Variants in ST8SIA5 observed in about 807,000 individuals in gnomAD.
The protein encoded by ST8SIA5 is alpha-2,8-sialyltransferase 8E.
ST8SIA5 carries 24 observed loss-of-function variants against 40.2 expected under a neutral mutation model. That is an observed-to-expected ratio of 0.60 (90% CI 0.43 to 0.84). The LOEUF is 0.84. Among genes scored for constraint, ST8SIA5 ranks in the 40% least tolerant of loss-of-function variants. The pLI, the probability that ST8SIA5 is intolerant of heterozygous loss-of-function variation, is 0.00. For missense variants in ST8SIA5, 465 were observed against 498.5 expected (o/e 0.93, Z 0.64); for synonymous variants, 198 against 201.8 (o/e 0.98, Z 0.16).
intron 2 of ST8SIA5, among the ~76,000 whole-genome samples, chr18:46,699,914 G>A (rs915111221): frequency 3.3e-5 from 5 of 152,290 alleles, no homozygotes; most frequent in Admixed American, 1.3e-4. Flanking sequence ...TGCCCAGCTG[G>A]CCTTTGCTCC....
intron 2 of ST8SIA5, among the ~76,000 whole-genome samples, chr18:46,698,759 C>A (rs533820578): frequency 6.6e-6 from 1 of 152,250 alleles, no homozygotes; most frequent in Non-Finnish European, 1.5e-5. Context: ...AGAAAAGAAG[C>A]CCCAAAACAA....
intron 1 of ST8SIA5, among the ~76,000 whole-genome samples, chr18:46,738,019 C>A (rs927609028): frequency 6.6e-6 from 1 of 152,074 alleles, no homozygotes; most frequent in South Asian, 2.1e-4. Context: ...AATCTGCCCA[C>A]CTCGGCCTCT....
chr18:46,728,850 C>T (rs904186369), intron 1 of ST8SIA5, among the ~76,000 whole-genome samples: 4 of 152,150 alleles, frequency 2.6e-5, no homozygotes, highest in East Asian at 1.9e-4. Flanking sequence ...CCCTGTCCAA[C>T]GGCCTGAACA....
intron 1 of ST8SIA5, among the ~76,000 whole-genome samples, chr18:46,733,333 T>C (rs1214109093): frequency 6.6e-6 from 1 of 152,214 alleles, no homozygotes; most frequent in Non-Finnish European, 1.5e-5. Flanking sequence ...GCATTGGACC[T>C]CACAGTGTAT....
intron 3 of ST8SIA5, chr18:46,691,944 G>T: frequency 1.8e-6 from 1 of 555,674 alleles, no homozygotes; most frequent in Non-Finnish European, 3.3e-6. Flanking sequence ...GCTGCTGCAA[G>T]GACTAAGGGA....
rs2039328460 is a variant in ST8SIA5, at chr18:46,674,540, A to G, written c.*5502T>C. On this transcript the variant is annotated 3_prime_UTR_variant, in exon 7 of 7. Coordinates refer to ENST00000315087, the MANE Select transcript of ST8SIA5 (RefSeq NM_013305.6). ...ACTGCTGGAGTCCCCCAGGAACCAG[A>G]GACCTCATTACTGTAGTAAACATGT... 6.6e-6 allele frequency: 1 copy of G among 152,278 alleles called. No homozygotes were observed. Among genetic ancestry groups the G allele is most frequent in the Non-Finnish European group, 1.5e-5 (1 of 68,062 alleles). The allele number at this position is 152,278 out of a possible 1,614,324, so 9.4% of individuals were successfully genotyped here. A position where few individuals can be genotyped will look rare whatever the true frequency, so the allele number is the denominator to read the frequency against.
intron 1 of ST8SIA5, among the ~76,000 whole-genome samples, chr18:46,710,514 C>G (rs1217738498): frequency 7.0e-6 from 1 of 142,872 alleles, no homozygotes; most frequent in African/African-American, 2.6e-5. Flanking sequence ...TTCCCTTCTC[C>G]TTCCTTCCTT....
intron 1 of ST8SIA5, among the ~76,000 whole-genome samples, chr18:46,728,070 C>G (rs765199432): frequency 6.6e-6 from 1 of 151,932 alleles, no homozygotes; most frequent in Non-Finnish European, 1.5e-5. Flanking sequence ...AGGCATGAGC[C>G]TGTAGTCCCA....
At chr18:46,749,140 A>C (rs2040171701) in intron 1 of ST8SIA5, among the ~76,000 whole-genome samples, 1 of 152,226 alleles carries the variant, frequency 6.6e-6, no homozygotes, top group Non-Finnish European at 1.5e-5. Flanking sequence ...CATTTATATG[A>C]AATGCTCAAA....
At chr18:46,720,614 G>A (rs908161066) in intron 1 of ST8SIA5, among the ~76,000 whole-genome samples, 4 of 152,128 alleles carry the variant, frequency 2.6e-5, no homozygotes, top group Admixed American at 6.5e-5. Flanking sequence ...GGAAACGGAC[G>A]TGAGAGTTAC....
chr18:46,718,541 C>T (rs900352011), intron 1 of ST8SIA5, among the ~76,000 whole-genome samples: 4 of 152,014 alleles, frequency 2.6e-5, no homozygotes, highest in African/African-American at 7.2e-5. Context: ...CTTTTATGAG[C>T]ACTATCTGGC....
chr18:46,681,912 C>T (rs1372446072), intron 6 of ST8SIA5, 60 bp downstream of exon 6: 1 of 1,558,806 alleles, frequency 6.4e-7, no homozygotes, highest in Non-Finnish European at 8.8e-7. Context: ...TGCCCAGTAG[C>T]CGCATGTGAC....
intron 2 of ST8SIA5, among the ~76,000 whole-genome samples, chr18:46,694,734 C>T (rs1205132036): frequency 6.6e-6 from 1 of 152,034 alleles, no homozygotes; most frequent in South Asian, 2.1e-4. Flanking sequence ...GTGCCTGTAC[C>T]CCCCGATTTT....
intron 2 of ST8SIA5, among the ~76,000 whole-genome samples, chr18:46,692,953 C>G (rs1178894134): frequency 6.8e-6 from 1 of 146,772 alleles, no homozygotes; most frequent in Non-Finnish European, 1.5e-5. Flanking sequence ...ATTATTCAAA[C>G]TAGCCAATCC....
intron 1 of ST8SIA5, among the ~76,000 whole-genome samples, chr18:46,706,342 C>T (rs1467441636): frequency 1.3e-5 from 2 of 152,170 alleles, no homozygotes; most frequent in Non-Finnish European, 2.9e-5. Flanking sequence ...TTTTCTTTCT[C>T]ATCTGGCAAA....
In ST8SIA5 at chr18:46,692,819, G is replaced by A. The variant is rs918307980; in HGVS notation, c.225-564C>T. On this transcript the variant is annotated intron_variant, in intron 2 of 6. Coordinates refer to ENST00000315087, the MANE Select transcript of ST8SIA5 (RefSeq NM_013305.6). ...TTCATGTGCAAACCAACCAATCAGA[G>A]CCCACACCCTCAACCACCTCCTCAC... Among the ~76,000 whole-genome samples, 80 of 151,872 alleles carry A rather than the reference G, an allele frequency of 5.3e-4. 3 individuals are homozygous for A. Among genetic ancestry groups the A allele is most frequent in the Non-Finnish European group, 2.9e-5 (2 of 67,974 alleles).
Position 46,673,703 on chromosome 18 carries a change from C to CTGT in ST8SIA5, c.*6338_*6339insACA, listed in dbSNP as rs1322127098. The CTGT allele has an allele frequency of 1.3e-5, 2 of 151,948 alleles. No individual in the cohort carries two copies. The highest frequency in any genetic ancestry group is 2.9e-5 in the Non-Finnish European group (2 of 67,990). 9.4% of individuals were successfully genotyped at this position (151,948 alleles called of 1,614,324 possible). A position where few individuals can be genotyped will look rare whatever the true frequency, so the allele number is the denominator to read the frequency against. On this transcript the variant is annotated 3_prime_UTR_variant, in exon 7 of 7. Coordinates refer to ENST00000315087, the MANE Select transcript of ST8SIA5 (RefSeq NM_013305.6). ...TGTAGATCTATACTGTAGGTCTATC[C>CTGT]AGTCTACCCTTTGAAGATCACACTG...
At chr18:46,680,957 T>G (rs1438555232) in intron 6 of ST8SIA5, among the ~76,000 whole-genome samples, 1 of 151,954 alleles carries the variant, frequency 6.6e-6, no homozygotes, top group East Asian at 1.9e-4. Context: ...AGCCTCCGTT[T>G]CTCTCTCACA....
At chr18:46,688,363 G>C (rs1395025783) in intron 4 of ST8SIA5, among the ~76,000 whole-genome samples, 1 of 152,206 alleles carries the variant, frequency 6.6e-6, no homozygotes, top group Non-Finnish European at 1.5e-5. Flanking sequence ...CAAGTGAGCT[G>C]AATCTTTCAG....
Sources: allele counts gnomAD v4.1 joint callset (sites outside exome capture counted in the v4.1 genomes callset), GRCh38; gene constraint gnomAD v4.1.1; transcripts MANE v1.5; gene names NCBI Gene and HGNC (gene_info 2026-07-23, HGNC 2026-07-21).